FAM107B: variants seen among roughly 807,000 people sequenced by gnomAD.
FAM107B encodes family with sequence similarity 107 member B, also known as protein FAM107B.
In FAM107B, 21 loss-of-function variants were observed where a neutral mutation model predicts 31.5. The ratio of observed to expected loss-of-function variants is 0.67; its 90% CI spans 0.47 to 0.96. FAM107B has a LOEUF of 0.96. FAM107B is among the 40% of genes least tolerant of loss of function. The probability of loss-of-function intolerance (pLI) is 0.00; values close to 1 mark genes in which losing one functional copy is unlikely to be tolerated. For synonymous variants in FAM107B, 157 were observed against 141.5 expected (o/e 1.11, Z -0.78); for missense variants, 452 against 377.1 (o/e 1.20, Z -1.64).
chr10:14,595,898 T>C (rs529195404), intron 2 of FAM107B, among the ~76,000 whole-genome samples: 180 of 152,340 alleles, frequency 1.2e-3, no homozygotes, highest in Non-Finnish European at 1.9e-3. Context: ...CTTCTATTCC[T>C]GGCCCTCTGC....
At chr10:14,568,852 G>T (rs1465887861) in intron 2 of FAM107B, among the ~76,000 whole-genome samples, 1 of 152,000 alleles carries the variant, frequency 6.6e-6, no homozygotes, top group Non-Finnish European at 1.5e-5. Context: ...CCTGGAAGGA[G>T]GGGGAGAGAC....
chr10:14,647,290 C>T (rs1853780695), intron 2 of FAM107B, among the ~76,000 whole-genome samples: 1 of 152,206 alleles, frequency 6.6e-6, no homozygotes, highest in Non-Finnish European at 1.5e-5. Flanking sequence ...TAGTTGTATG[C>T]TGTCATTCAT....
In FAM107B at chr10:14,709,960, T is replaced by C. The variant is rs185018886; in HGVS notation, c.412-42269A>G. 3.3e-5 allele frequency among the ~76,000 whole-genome samples: 5 copies of C among 152,244 alleles called. No individual in the cohort carries two copies. The East Asian group carries it at 9.6e-4, about 29-fold the overall frequency. ...GAATAAAACAGAGCACAGGAGATTT[T>C]CAGGACAGTGAAAGTATTCTGTATG... On this transcript the variant is annotated intron_variant, in intron 1 of 4. Coordinates refer to ENST00000181796, the MANE Select transcript of FAM107B (RefSeq NM_031453.4).
At chr10:14,593,453 G>T (rs765968576) in intron 2 of FAM107B, among the ~76,000 whole-genome samples, 1 of 152,048 alleles carries the variant, frequency 6.6e-6, no homozygotes, top group African/African-American at 2.4e-5. Context: ...TGAGGTGGGC[G>T]GATCACTTGA....
chr10:14,540,066 G>A (rs1848026919), intron 2 of FAM107B, among the ~76,000 whole-genome samples: 1 of 152,218 alleles, frequency 6.6e-6, no homozygotes. Context: ...GCAGCTCTGG[G>A]TGTCCCAGCC....
At chr10:14,733,512 G>A (rs1448316036) in intron 1 of FAM107B, among the ~76,000 whole-genome samples, 1 of 152,176 alleles carries the variant, frequency 6.6e-6, no homozygotes, top group East Asian at 1.9e-4. Flanking sequence ...AGTGACACCA[G>A]TCTGTCTGTC....
intron 2 of FAM107B, among the ~76,000 whole-genome samples, chr10:14,556,880 T>C (rs1266280706): frequency 3.3e-5 from 5 of 152,368 alleles, no homozygotes; most frequent in Admixed American, 3.3e-4. Flanking sequence ...TGATCTGACC[T>C]GGGCCTGCTT....
chr10:14,683,611 G>A (rs1301450956), intron 1 of FAM107B, among the ~76,000 whole-genome samples: 1 of 152,154 alleles, frequency 6.6e-6, no homozygotes, highest in Non-Finnish European at 1.5e-5. Flanking sequence ...AGAGGGGTAA[G>A]CCTGGTTGTC....
chr10:14,631,987 T>G (rs992360835), intron 2 of FAM107B, among the ~76,000 whole-genome samples: 2 of 152,120 alleles, frequency 1.3e-5, no homozygotes, highest in African/African-American at 4.8e-5. Context: ...TTAGGACCAT[T>G]GGAATCCTCT....
At chr10:14,556,843 C>T (rs1849749750) in intron 2 of FAM107B, among the ~76,000 whole-genome samples, 2 of 152,246 alleles carry the variant, frequency 1.3e-5, no homozygotes, top group African/African-American at 2.4e-5. Flanking sequence ...TTCTCCAATG[C>T]CCTGGCAGCG....
At chr10:14,764,396 G>C (rs1446462322) in intron 1 of FAM107B, among the ~76,000 whole-genome samples, 1 of 152,114 alleles carries the variant, frequency 6.6e-6, no homozygotes, top group African/African-American at 2.4e-5. Flanking sequence ...TGCCTCAGTT[G>C]TCATTTTCCA....
At chr10:14,539,915 T>C (rs1310443400) in intron 2 of FAM107B, among the ~76,000 whole-genome samples, 1 of 152,140 alleles carries the variant, frequency 6.6e-6, no homozygotes, top group African/African-American at 2.4e-5. Flanking sequence ...CCTCATCCTG[T>C]GAGTAGTACC....
chr10:14,534,862 C>T lies in FAM107B; in HGVS notation c.470-4347G>A, dbSNP rs1468653419. ...GTTTATGTTCCTATTCTTTTGACCC[C>T]TTGGACCTGTTCAGAAAGCATTACT... is the stretch of plus-strand genomic sequence containing the variant. On this transcript the variant is annotated intron_variant, in intron 2 of 4. Transcript: ENST00000181796. 4 of 152,216 alleles carry T rather than the reference C, an allele frequency of 2.6e-5. No individual in the cohort carries two copies. The East Asian group carries it at 7.7e-4, about 29-fold the overall frequency. 9.4% of individuals were successfully genotyped at this position (152,216 alleles called of 1,614,324 possible).
At chr10:14,630,745 G>A (rs577629997) in intron 2 of FAM107B, among the ~76,000 whole-genome samples, 69 of 152,188 alleles carry the variant, frequency 4.5e-4, no homozygotes, top group African/African-American at 1.6e-3. Flanking sequence ...CAGCTACTTG[G>A]GAGGCTAAGG....
chr10:14,647,951 A>C (rs1853800257), intron 2 of FAM107B, among the ~76,000 whole-genome samples: 1 of 152,054 alleles, frequency 6.6e-6, no homozygotes, highest in African/African-American at 2.4e-5. Flanking sequence ...GAATTTGTTA[A>C]GTCTTCTGCG....
chr10:14,735,721 C>T (rs943814182), intron 1 of FAM107B, among the ~76,000 whole-genome samples: 9 of 152,102 alleles, frequency 5.9e-5, no homozygotes, highest in African/African-American at 2.2e-4. Context: ...TCTGCCAGTC[C>T]TCTCTGAGCC....
intron 2 of FAM107B, among the ~76,000 whole-genome samples, chr10:14,556,998 G>A (rs1849762975): frequency 6.6e-6 from 1 of 152,120 alleles, no homozygotes; most frequent in Admixed American, 6.5e-5. Flanking sequence ...TGCATGTCTT[G>A]GTGCACATGA....
At chr10:14,551,589 CTT>C (rs35049608) in intron 2 of FAM107B, among the ~76,000 whole-genome samples, 2 of 143,908 alleles carry the variant, frequency 1.4e-5, no homozygotes, top group African/African-American at 2.6e-5. Flanking sequence ...CACTATTTTC[CTT>C]TTTTTTTTTT....
intron 2 of FAM107B, among the ~76,000 whole-genome samples, chr10:14,647,018 T>C (rs2131441205): frequency 6.6e-6 from 1 of 151,996 alleles, no homozygotes; most frequent in East Asian, 1.9e-4. Flanking sequence ...ATAGTCTTGA[T>C]CTCCTGACCT....
Sources: allele counts gnomAD v4.1 joint callset (sites outside exome capture counted in the v4.1 genomes callset), GRCh38; gene constraint gnomAD v4.1.1; transcripts MANE v1.5; gene names NCBI Gene and HGNC (gene_info 2026-07-23, HGNC 2026-07-21).